PCDH9: variants seen among roughly 807,000 people sequenced by gnomAD.
The protein encoded by PCDH9 is protocadherin-9.
PCDH9 carries 24 observed loss-of-function variants against 70.6 expected under a neutral mutation model. The observed-to-expected ratio is 0.34, with a 90% confidence interval of 0.25 to 0.48. The LOEUF (loss-of-function observed/expected upper bound fraction) is 0.48. Ranked by LOEUF, PCDH9 falls within the 20% of genes least tolerant of loss-of-function variation. The pLI is 0.99. For synonymous variants in PCDH9, 562 were observed against 558.5 expected (o/e 1.01, Z -0.09); for missense variants, 1,281 against 1,503.6 (o/e 0.85, Z 2.45).
chr13:66,375,500 A>C (rs762105594), intron 4 of PCDH9, among the ~76,000 whole-genome samples: 12 of 152,084 alleles, frequency 7.9e-5, no homozygotes, highest in African/African-American at 1.9e-4. Flanking sequence ...ACTTTAATGC[A>C]ACTTTAATAG....
chr13:66,710,429 T>C (rs1009422339), intron 3 of PCDH9, among the ~76,000 whole-genome samples: 9 of 152,190 alleles, frequency 5.9e-5, no homozygotes, highest in African/African-American at 1.7e-4. Context: ...TTGCTATGTG[T>C]GTAATTTTCT....
chr13:66,753,253 A>T (rs377278828), intron 3 of PCDH9, among the ~76,000 whole-genome samples: 11 of 152,296 alleles, frequency 7.2e-5, no homozygotes, highest in African/African-American at 2.6e-4. Context: ...TCTCAACATA[A>T]CACAACGTTA....
intron 3 of PCDH9, among the ~76,000 whole-genome samples, chr13:66,828,076 A>G (rs1275143423): frequency 1.3e-5 from 2 of 152,208 alleles, no homozygotes; most frequent in Admixed American, 1.3e-4. Context: ...ATTCAAACTG[A>G]CATGTGAAGT....
chr13:66,846,268 C>T (rs1301054221), intron 3 of PCDH9, among the ~76,000 whole-genome samples: 3 of 151,878 alleles, frequency 2.0e-5, no homozygotes, highest in Non-Finnish European at 4.4e-5. Flanking sequence ...ACACGTAATA[C>T]CTTTTCAATA....
chr13:66,417,300 A>G (rs942856507), intron 4 of PCDH9, among the ~76,000 whole-genome samples: 2 of 152,076 alleles, frequency 1.3e-5, no homozygotes, highest in African/African-American at 2.4e-5. Flanking sequence ...TTCCTGTCTT[A>G]GTTTGCTGAG....
At chr13:67,056,005 A>G (rs1321925724) in intron 2 of PCDH9, among the ~76,000 whole-genome samples, 2 of 152,178 alleles carry the variant, frequency 1.3e-5, no homozygotes, top group Non-Finnish European at 2.9e-5. Flanking sequence ...TTTTTAAAAA[A>G]GAACAAATAA....
chr13:67,166,474 TA>T (rs1243698273), intron 2 of PCDH9, among the ~76,000 whole-genome samples: 4 of 152,204 alleles, frequency 2.6e-5, no homozygotes, highest in Non-Finnish European at 5.9e-5. Context: ...AAAATGAGGA[TA>T]TTTGAGAATG....
At chr13:66,874,942 T>A (rs202054462) in intron 3 of PCDH9, among the ~76,000 whole-genome samples, 1,601 of 109,974 alleles carry the variant, frequency 0.015, 19 homozygotes, top group South Asian at 0.048. Flanking sequence ...TGTGTGTGTG[T>A]GAGAGAGAGA....
intron 3 of PCDH9, among the ~76,000 whole-genome samples, chr13:66,713,655 T>TATATATA (rs1474635736): frequency 3.1e-5 from 2 of 63,660 alleles, no homozygotes; most frequent in African/African-American, 1.2e-4. Flanking sequence ...ATATATATAA[T>TATATATA]GTACACACAC....
intron 2 of PCDH9, among the ~76,000 whole-genome samples, chr13:67,021,310 A>T (rs770256734): frequency 1.1e-4 from 16 of 152,228 alleles, no homozygotes; most frequent in Non-Finnish European, 1.8e-4. Flanking sequence ...TTGCATCCAG[A>T]ACATTGCCTG....
chr13:66,553,094 T>C (rs1000251329), intron 4 of PCDH9, among the ~76,000 whole-genome samples: 2 of 152,150 alleles, frequency 1.3e-5, no homozygotes, highest in Non-Finnish European at 2.9e-5. Flanking sequence ...ATGGATATTA[T>C]GGAAACTACA....
intron 2 of PCDH9, among the ~76,000 whole-genome samples, chr13:66,956,074 A>C (rs1457874848): frequency 6.6e-6 from 1 of 151,852 alleles, no homozygotes; most frequent in Non-Finnish European, 1.5e-5. Context: ...TGCACCCCAG[A>C]AACTCCATCT....
intron 2 of PCDH9, chr13:67,202,819 T>C (rs2089248612): frequency 1.3e-5 from 2 of 152,144 alleles, no homozygotes; most frequent in South Asian, 4.1e-4. Context: ...TAAGTGAGGG[T>C]GTTCATTTTG....
At chr13:66,312,172 T>C (rs1336265701) in intron 4 of PCDH9, among the ~76,000 whole-genome samples, 1 of 152,184 alleles carries the variant, frequency 6.6e-6, no homozygotes, top group African/African-American at 2.4e-5. Context: ...GTCTGTTACC[T>C]ATAAATTGAG....
chr13:66,673,182 A>G (rs985298146), intron 3 of PCDH9, among the ~76,000 whole-genome samples: 8 of 152,068 alleles, frequency 5.3e-5, no homozygotes, highest in Admixed American at 3.9e-4. Flanking sequence ...GGTGGACGGT[A>G]ATTGAATCAT....
At chr13:66,799,067 G>A (rs1394422443) in intron 3 of PCDH9, among the ~76,000 whole-genome samples, 2 of 152,032 alleles carry the variant, frequency 1.3e-5, no homozygotes, top group African/African-American at 4.8e-5. Flanking sequence ...GGCCTGCCTC[G>A]GCTGCCCAAA....
At position 67,061,831 on chromosome 13, in the gene PCDH9, A is replaced by C. The variant is rs74093589; in HGVS notation, c.3037-158226T>G. ...GTAATTATCTGAAACAGACCTTGTA[A>C]GAGCAGAATTCCTTTCTTGAATCGT... On this transcript the variant is annotated intron_variant, in intron 2 of 4. Transcript: ENST00000377865. Among the ~76,000 whole-genome samples the C allele has an allele frequency of 3.9e-3, 599 of 152,304 alleles. 2 individuals are homozygous for C. The highest frequency in any genetic ancestry group is 0.013 in the African/African-American group (557 of 41,588).
At chr13:66,679,638 T>C (rs2078291539) in intron 3 of PCDH9, among the ~76,000 whole-genome samples, 1 of 151,962 alleles carries the variant, frequency 6.6e-6, no homozygotes, top group Admixed American at 6.6e-5. Flanking sequence ...TGTATGAATA[T>C]AGCAATGTTA....
intron 2 of PCDH9, among the ~76,000 whole-genome samples, chr13:67,117,252 C>T (rs2138288868): frequency 6.6e-6 from 1 of 152,274 alleles, no homozygotes; most frequent in East Asian, 1.9e-4. Context: ...TTCAGCCCAG[C>T]TGAATTGAGC....
Sources: gnomAD v4.1 joint callset for allele counts (sites outside exome capture counted in the v4.1 genomes callset) on GRCh38, gnomAD v4.1.1 for gene constraint, MANE v1.5 for transcripts, NCBI Gene and HGNC (gene_info 2026-07-23, HGNC 2026-07-21) for gene names.